The following VPS8 variants were observed in gnomAD, a reference collection of about 807,000 sequenced individuals.
VPS8 encodes the protein vacuolar protein sorting-associated protein 8 homolog.
A neutral mutation model predicts 216.4 loss-of-function variants in VPS8; 129 were observed. That is an observed-to-expected ratio of 0.60 (90% CI 0.52 to 0.69). The LOEUF (loss-of-function observed/expected upper bound fraction) is 0.69. Among genes scored for constraint, VPS8 ranks in the 30% least tolerant of loss-of-function variants. VPS8 has a pLI of 0.00. For synonymous variants in VPS8, 571 were observed against 565.4 expected (o/e 1.01, Z -0.14); for missense variants, 1,531 against 1,683.5 (o/e 0.91, Z 1.59).
chr3:184,899,144 A>G (rs1051934466), intron 24 of VPS8, among the ~76,000 whole-genome samples: 3 of 152,290 alleles, frequency 2.0e-5, no homozygotes, highest in South Asian at 2.1e-4. Flanking sequence ...TATAGCATTC[A>G]TTCTAATTTT....
intron 4 of VPS8, among the ~76,000 whole-genome samples, chr3:184,833,435 A>G (rs1487133496): frequency 5.3e-5 from 8 of 152,106 alleles, no homozygotes; most frequent in Admixed American, 5.2e-4. Flanking sequence ...GCCTGTGTCA[A>G]TGTTCTTTTC....
At chr3:184,953,939 G>A (rs1001741340) in intron 36 of VPS8, among the ~76,000 whole-genome samples, 8 of 152,204 alleles carry the variant, frequency 5.3e-5, no homozygotes, top group Non-Finnish European at 1.2e-4. Flanking sequence ...CTTCCCACAG[G>A]CTTAGTCCCA....
At chr3:184,889,908 T>C (rs1005710278) in intron 22 of VPS8, among the ~76,000 whole-genome samples, 1 of 152,220 alleles carries the variant, frequency 6.6e-6, no homozygotes, top group Non-Finnish European at 1.5e-5. Context: ...ATCTAGGCCA[T>C]CTTTCACTTC....
intron 21 of VPS8, among the ~76,000 whole-genome samples, chr3:184,876,094 G>A (rs1174372060): frequency 6.6e-6 from 1 of 151,658 alleles, no homozygotes; most frequent in Non-Finnish European, 1.5e-5. Flanking sequence ...CATCTTACTG[G>A]TCCTCAGCAG....
intron 14 of VPS8, among the ~76,000 whole-genome samples, chr3:184,856,650 T>C (rs1402856136): frequency 6.6e-6 from 1 of 152,192 alleles, no homozygotes; most frequent in Non-Finnish European, 1.5e-5. Context: ...TTTCTCCTTT[T>C]TTGTCTCCCC....
chr3:184,876,483 C>T (rs1446863448), intron 21 of VPS8, among the ~76,000 whole-genome samples: 1 of 152,106 alleles, frequency 6.6e-6, no homozygotes, highest in Admixed American at 6.5e-5. Flanking sequence ...ACATTCTTCC[C>T]TAGGTGATAT....
chr3:184,950,625 C>T (rs942004093), intron 36 of VPS8, among the ~76,000 whole-genome samples: 6 of 151,982 alleles, frequency 3.9e-5, no homozygotes, highest in African/African-American at 7.3e-5. Context: ...TTCTGGGTTA[C>T]GTGTGCAGAA....
In VPS8 at chr3:184,839,605, G is replaced by A; in HGVS notation, c.481-93G>A. The A allele has an allele frequency of 5.0e-6, 6 of 1,200,658 alleles. No homozygotes were observed. In the Middle Eastern group the frequency reaches 7.7e-4, roughly 154 times the overall value. 74.4% of individuals were successfully genotyped at this position (1,200,658 alleles called of 1,614,324 possible). A position where few individuals can be genotyped will look rare whatever the true frequency, so the allele number is the denominator to read the frequency against. On this transcript the variant is annotated intron_variant, in intron 6 of 47. Transcript: ENST00000625842. The stretch of plus-strand genomic sequence containing the variant: ...TACAATAGTTTGTATGTCATCTGGT[G>A]CCTAGAGGAAGGCAGGCCAACAAAT...
At chr3:185,014,173 A>G (rs899575790) in intron 45 of VPS8, among the ~76,000 whole-genome samples, 6 of 152,208 alleles carry the variant, frequency 3.9e-5, no homozygotes, top group Admixed American at 1.3e-4. Context: ...ACTCACGGCA[A>G]TGGTAATCAC....
At chr3:184,812,324 C>T (rs1239266284) in intron 1 of VPS8, 99 bp downstream of exon 1, 1 of 152,198 alleles carries the variant, frequency 6.6e-6, no homozygotes. Context: ...TGAGCCTCGG[C>T]GTCTCCTCCC....
chr3:184,926,459 A>AG (rs1332501682), intron 30 of VPS8, 135 bp from the exon 31 acceptor site: 2 of 751,420 alleles, frequency 2.7e-6, no homozygotes, highest in Non-Finnish European at 4.3e-6. Flanking sequence ...TTGGGAAGGT[A>AG]GCCTACACCT....
In VPS8 at chr3:184,971,771, A is replaced by C. The variant is rs768443678; in HGVS notation, c.3420+19A>C. 1 of 1,604,654 alleles carries C rather than the reference A, an allele frequency of 6.2e-7. No individual in the cohort carries two copies. Among genetic ancestry groups the C allele is most frequent in the Non-Finnish European group, 8.5e-7 (1 of 1,173,584 alleles). Reference sequence around the variant, plus strand: ...ACGTGAGGTAGGAGAATGACTGTTTAGGTATTTAAAAGCCTGTACTTGGCC... The same window carrying C: ...ACGTGAGGTAGGAGAATGACTGTTTCGGTATTTAAAAGCCTGTACTTGGCC... On this transcript the variant is annotated intron_variant, in intron 40 of 47. Transcript: ENST00000625842.
chr3:184,838,359 T>C, intron 5 of VPS8, among the ~76,000 whole-genome samples: 1 of 152,208 alleles, frequency 6.6e-6, no homozygotes, highest in East Asian at 1.9e-4. Context: ...CTCAAATCTT[T>C]ATGTACTCCT....
Position 184,999,744 on chromosome 3 carries a change from T to C in VPS8, c.3885T>C (p.Thr1295=). ...TCTGCCTACAAAACAAAGAATGCACTGTGGAATTTGAGGGCCAAACAAGAT... is the reference window on the plus strand; with the variant it reads ...TCTGCCTACAAAACAAAGAATGCACCGTGGAATTTGAGGGCCAAACAAGAT... ...HSFCLQNKEC[T]VEFEGQTRWT... Residue 1295 remains threonine, a synonymous_variant, in exon 45 of 48, where the codon ACT becomes ACC. Coordinates refer to ENST00000625842, the MANE Select transcript of VPS8 (RefSeq NM_001009921.3). 1 of 1,613,508 alleles carries C rather than the reference T, an allele frequency of 6.2e-7. No homozygotes were observed. Among genetic ancestry groups the C allele is most frequent in the Non-Finnish European group, 8.5e-7 (1 of 1,179,720 alleles).
chr3:184,935,413 T>C (rs1241533106), intron 34 of VPS8, among the ~76,000 whole-genome samples: 1 of 152,214 alleles, frequency 6.6e-6, no homozygotes, highest in African/African-American at 2.4e-5. Flanking sequence ...TTATTATGAA[T>C]CTACAAGTAC....
intron 5 of VPS8, among the ~76,000 whole-genome samples, chr3:184,838,478 C>T (rs1214014792): frequency 6.6e-6 from 1 of 152,140 alleles, no homozygotes; most frequent in East Asian, 1.9e-4. Context: ...CCTGAGGCAT[C>T]TTACTTAGCA....
In VPS8 at chr3:184,834,703, A is replaced by T. The variant is rs975588607; in HGVS notation, c.408A>T (p.Ser136=). 1 of 1,564,000 alleles carries T rather than the reference A, an allele frequency of 6.4e-7. No individual in the cohort carries two copies. The highest frequency in any genetic ancestry group is 8.7e-7 in the Non-Finnish European group (1 of 1,153,106). ...TTCATGGATCAGTTATGCGCCATTC[A>T]CTTTTGAAGGGAATTTCTGCCCAGA... ...FSLHGSVMRH[S]LLKGISAQIV... is the part of the protein sequence containing the mutation. The change falls in exon 5 of 48, where the codon TCA becomes TCT. Residue 136 remains serine (S), a synonymous_variant. Coordinates refer to ENST00000625842, the MANE Select transcript of VPS8 (RefSeq NM_001009921.3).
At chr3:184,977,807 A>G (rs1023085118) in intron 40 of VPS8, among the ~76,000 whole-genome samples, 23 of 134,380 alleles carry the variant, frequency 1.7e-4, no homozygotes, top group African/African-American at 6.0e-4. Context: ...ATGTTGCTGG[A>G]TTTGGTTTGC....
At chr3:185,000,410 G>A (rs1753241511) in intron 45 of VPS8, among the ~76,000 whole-genome samples, 1 of 152,092 alleles carries the variant, frequency 6.6e-6, no homozygotes, top group Non-Finnish European at 1.5e-5. Context: ...AGCAGAGCTT[G>A]ACAACATGAG....
Sources: allele counts gnomAD v4.1 joint callset (sites outside exome capture counted in the v4.1 genomes callset), GRCh38; gene constraint gnomAD v4.1.1; transcripts MANE v1.5; gene names NCBI Gene and HGNC (gene_info 2026-07-23, HGNC 2026-07-21).